The following IGSF9B variants were observed in gnomAD, a reference collection of about 807,000 sequenced individuals.
The protein encoded by IGSF9B is immunoglobulin superfamily member 9B.
A neutral mutation model predicts 143.7 loss-of-function variants in IGSF9B; 48 were observed. The ratio of observed to expected loss-of-function variants is 0.33; its 90% confidence interval spans 0.26 to 0.42. The LOEUF is 0.42. IGSF9B is among the 20% of genes least tolerant of loss of function. The probability of loss-of-function intolerance (pLI) is 1.00; values close to 1 mark genes in which losing one functional copy is unlikely to be tolerated. For synonymous variants in IGSF9B, 903 were observed against 833.1 expected, an observed-to-expected ratio of 1.08 and a Z score of -1.44; for missense variants, 1,706 against 1,980.0, an observed-to-expected ratio of 0.86 and a Z score of 2.63.
chr11:133,921,181 C>T lies in IGSF9B; in HGVS notation c.2544G>A (p.Glu848=). ...GGCCGTCAGGGCCTCTGCTGATGAG[C>T]TCGATGGGCGTGGTGGCCTCTGCCT... ...EAEAEATTPI[E]LISRGPDGRF... is the part of the protein sequence containing the mutation. The change falls in exon 18 of 20, where the codon GAG becomes GAA. Residue 848 remains glutamate, a synonymous_variant. Coordinates refer to ENST00000533871, the MANE Select transcript of IGSF9B (RefSeq NM_001277285.4). 1.2e-6 allele frequency: 2 copies of T among 1,609,470 alleles called. No individual in the cohort carries two copies. Among genetic ancestry groups the T allele is most frequent in the Non-Finnish European group, 1.7e-6 (2 of 1,177,226 alleles).
Position 133,909,429 on chromosome 11 carries a change from G to C in IGSF9B, c.4106-152C>G, listed in dbSNP as rs1939266692. On this transcript the variant is annotated intron_variant, in intron 19 of 19. Transcript: ENST00000533871. This position sits in a 1 kb window ranked among gnomAD's most constrained non-coding sequence, Gnocchi z 4.2. ...TCTAGAGAGACCAGACCGAATTGCTGCAGAGAAACCACCTTCTTTTCCGCC... is the reference window on the plus strand; with the variant it reads ...TCTAGAGAGACCAGACCGAATTGCTCCAGAGAAACCACCTTCTTTTCCGCC... Among the ~76,000 whole-genome samples, 3 of 152,306 alleles carry C rather than the reference G, an allele frequency of 2.0e-5. No homozygotes were observed. The South Asian group carries it at 6.2e-4, about 32-fold the overall frequency.
chr11:133,921,207 CGGCCTCTGCCTT>C lies in IGSF9B; in HGVS notation c.2506_2517del (p.Lys836_Ala839del), dbSNP rs1330328644. Reference sequence around the variant, plus strand: ...TCGATGGGCGTGGTGGCCTCTGCCTCGGCCTCTGCCTTGGCCACGCTGTACTTCTTGCTGCTG... The same window carrying C: ...TCGATGGGCGTGGTGGCCTCTGCCTCGGCCACGCTGTACTTCTTGCTGCTG... On this transcript the variant is annotated inframe_deletion, in exon 18 of 20. Transcript: ENST00000533871. The C allele has an allele frequency of 3.7e-6, 6 of 1,608,972 alleles. No homozygotes were observed. The highest frequency in any genetic ancestry group is 4.5e-5 in the East Asian group (2 of 44,780).
chr11:133,954,426 T>C (rs960378780), intron 1 of IGSF9B, among the ~76,000 whole-genome samples: 1 of 152,276 alleles, frequency 6.6e-6, no homozygotes, highest in South Asian at 2.1e-4. Flanking sequence ...ACAGGCAGCC[T>C]TCTGAACTTC....
intron 18 of IGSF9B, among the ~76,000 whole-genome samples, chr11:133,919,525 GCTC>G (rs1372233196): frequency 1.3e-5 from 2 of 152,214 alleles, no homozygotes; most frequent in Non-Finnish European, 2.9e-5. Context: ...GACGCCTCAT[GCTC>G]CCGGCAGGGC....
At chr11:133,918,961 G>T in intron 18 of IGSF9B, 1 of 468,672 alleles carries the variant, frequency 2.1e-6, no homozygotes. Context: ...GAGGAGGAGC[G>T]GGGACGGCAG....
Position 133,904,684 on chromosome 11 carries a change from C to T in IGSF9B, c.*4385G>A, listed in dbSNP as rs545640611. On this transcript the variant is annotated 3_prime_UTR_variant, in exon 20 of 20. Transcript: ENST00000533871. Reference sequence around the variant, plus strand: ...CAAGTAACTAAGTTATCACATGACTCAAAGAGATGCTGAGGCTTGGTGTCC... The same window carrying T: ...CAAGTAACTAAGTTATCACATGACTTAAAGAGATGCTGAGGCTTGGTGTCC... Among the ~76,000 whole-genome samples the T allele has an allele frequency of 6.6e-5, 10 of 152,170 alleles. No individual in the cohort carries two copies. In the East Asian group the frequency reaches 1.7e-3, roughly 27 times the overall value.
At position 133,956,802 on chromosome 11, in the gene IGSF9B, CG is replaced by C; in HGVS notation, c.-49del. On this transcript the variant is annotated 5_prime_UTR_variant, in exon 1 of 20. Coordinates refer to ENST00000533871, the MANE Select transcript of IGSF9B (RefSeq NM_001277285.4). ...GCCTCATCCTATCGCAAAGTGCTCC[CG>C]CGCCCGCACGCGCCTCGCGCCCGAG... is the stretch of plus-strand genomic sequence containing the variant. 1 of 1,204,988 alleles carries C rather than the reference CG, an allele frequency of 8.3e-7. No homozygotes were observed. The highest frequency in any genetic ancestry group is 1.1e-6 in the Non-Finnish European group (1 of 901,630). The allele number at this position is 1,204,988 out of a possible 1,614,324, so 74.6% of individuals were successfully genotyped here. A position where few individuals can be genotyped will look rare whatever the true frequency, so the allele number is the denominator to read the frequency against.
intron 13 of IGSF9B, among the ~76,000 whole-genome samples, chr11:133,926,358 C>T (rs1379076746): frequency 6.6e-6 from 1 of 152,242 alleles, no homozygotes; most frequent in East Asian, 1.9e-4. Flanking sequence ...AGACTGCTGT[C>T]CACCTTGGCG....
intron 17 of IGSF9B, among the ~76,000 whole-genome samples, chr11:133,921,700 GC>G (rs541401482): frequency 4.6e-5 from 7 of 151,372 alleles, no homozygotes; most frequent in African/African-American, 1.7e-4. Flanking sequence ...GCCGCGCCCG[GC>G]CCCCCCCATC....
rs1939160246 is a variant in IGSF9B at position 133,902,834 on chromosome 11, C to A, written c.*6235G>T. Among the ~76,000 whole-genome samples, 1 of 152,150 alleles carries A rather than the reference C, an allele frequency of 6.6e-6. No homozygotes were observed. Among genetic ancestry groups the A allele is most frequent in the Non-Finnish European group, 1.5e-5 (1 of 68,022 alleles). The stretch of plus-strand genomic sequence containing the variant: ...CAAGATGACCGTGAGGAGGCTCATC[C>A]CTCCACCAGAAATACAGCTTCATAG... On this transcript the variant is annotated 3_prime_UTR_variant, in exon 20 of 20. Transcript: ENST00000533871.
At position 133,921,349 on chromosome 11, in the gene IGSF9B, C is replaced by A; in HGVS notation, c.2376G>T (p.Ala792=). ...VSPESIRTLR[A]PSESSDDQGQ... is the part of the protein sequence containing the mutation. ...CCTGGTCGTCGGAGGATTCTGACGG[C>A]GCTCGGAGCGTGCGGATGCTCTCGG... Residue 792 remains alanine, a synonymous_variant, in exon 18 of 20, where the codon GCG becomes GCT. Coordinates refer to ENST00000533871, the MANE Select transcript of IGSF9B (RefSeq NM_001277285.4). The A allele has an allele frequency of 6.3e-7, 1 of 1,577,224 alleles. No individual in the cohort carries two copies. Among genetic ancestry groups the A allele is most frequent in the Non-Finnish European group, 8.6e-7 (1 of 1,161,126 alleles).
rs796712754 is a variant in IGSF9B, at chr11:133,907,566, C to T, written c.*1503G>A. Among the ~76,000 whole-genome samples the T allele has an allele frequency of 1.3e-5, 2 of 152,246 alleles. No individual in the cohort carries two copies. Among genetic ancestry groups the T allele is most frequent in the South Asian group, 4.1e-4 (2 of 4,836 alleles). ...GCAGATCTCCCCTCCACCCCGCCCT[C>T]GGGGCCTTCTGCCCTGCCCTTGGGC... On this transcript the variant is annotated 3_prime_UTR_variant, in exon 20 of 20. Coordinates refer to ENST00000533871, the MANE Select transcript of IGSF9B (RefSeq NM_001277285.4).
intron 1 of IGSF9B, among the ~76,000 whole-genome samples, chr11:133,949,798 C>T (rs1940126317): frequency 6.6e-6 from 1 of 151,990 alleles, no homozygotes. Flanking sequence ...AGCCCCTCTC[C>T]ATCACAGCAG....
Position 133,922,707 on chromosome 11 carries a change from T to C in IGSF9B, c.2143A>G (p.Thr715Ala), listed in dbSNP as rs1422208702. The C allele has an allele frequency of 1.9e-6, 3 of 1,579,672 alleles. No individual in the cohort carries two copies. Among genetic ancestry groups the C allele is most frequent in the Non-Finnish European group, 2.6e-6 (3 of 1,164,382 alleles). ...ACAGGCCGCGCCAGCCCATCCTCGG[T>C]CAGGTCCGGCTGCGGGAAGATGTCT... ...STDIFPQPDL[T>A]EDGLARPVLA... The change falls in exon 16 of 20, where the codon ACC becomes GCC. Residue 715 changes from threonine to alanine, a missense_variant. By Grantham distance (58) the Thr-to-Ala change is moderately conservative (BLOSUM62 0). This residue lies in a region of IGSF9B where 267 missense variants were observed against 321.1 expected (regional missense o/e 0.83). Transcript: ENST00000533871.
At chr11:133,919,129 T>TGGGGGGGGGGGG (rs756305133) in intron 18 of IGSF9B, 34 of 175,910 alleles carry the variant, frequency 1.9e-4, no homozygotes, top group South Asian at 3.2e-4. Flanking sequence ...GGGGGGGGGG[T>TGGGGGGGGGGGG]GGGGGACGTG....
At chr11:133,924,079 A>G (rs7118409) in intron 15 of IGSF9B, among the ~76,000 whole-genome samples, 3,132 of 152,178 alleles carry the variant, frequency 0.021, 84 homozygotes, top group African/African-American at 0.062. Flanking sequence ...CCCCAACTCT[A>G]CAAGTCCTGC....
chr11:133,917,925 G>C (rs894396905), intron 18 of IGSF9B, among the ~76,000 whole-genome samples: 7 of 152,000 alleles, frequency 4.6e-5, no homozygotes, highest in Non-Finnish European at 7.4e-5. Flanking sequence ...GGGCCCCTTC[G>C]GGGTGCATGC....
rs1247866859 is a variant in IGSF9B, at chr11:133,908,985, CGGA to C, written c.*81_*83del. 8.3e-7 allele frequency: 1 copy of C among 1,205,046 alleles called. No individual in the cohort carries two copies. Among genetic ancestry groups the C allele is most frequent in the Non-Finnish European group, 1.2e-6 (1 of 859,790 alleles). 74.6% of individuals were successfully genotyped at this position (1,205,046 alleles called of 1,614,324 possible). A position where few individuals can be genotyped will look rare whatever the true frequency, so the allele number is the denominator to read the frequency against. ...AAAGGTCTGGGCCGCCCTTGGCAGACGGAGGAGGACACACCCCCACACAGTGGC... is the reference window on the plus strand; with the variant it reads ...AAAGGTCTGGGCCGCCCTTGGCAGACGGAGGACACACCCCCACACAGTGGC... On this transcript the variant is annotated 3_prime_UTR_variant, in exon 20 of 20. Coordinates refer to ENST00000533871, the MANE Select transcript of IGSF9B (RefSeq NM_001277285.4).
At chr11:133,915,836 C>G (rs771528988) in intron 18 of IGSF9B, among the ~76,000 whole-genome samples, 2 of 152,248 alleles carry the variant, frequency 1.3e-5, no homozygotes, top group Non-Finnish European at 2.9e-5. Context: ...AGAGCAAACA[C>G]CACCTGCCTG....
Sources: allele counts gnomAD v4.1 joint callset (sites outside exome capture counted in the v4.1 genomes callset), GRCh38; gene constraint gnomAD v4.1.1; regional missense constraint gnomAD v4.1.1; non-coding constraint Gnocchi (gnomAD v3.1); transcripts MANE v1.5; gene names NCBI Gene and HGNC (gene_info 2026-07-23, HGNC 2026-07-21).